NFIC: variants seen among roughly 807,000 people sequenced by gnomAD.
NFIC encodes nuclear factor I C.
A neutral mutation model predicts 54.4 loss-of-function variants in NFIC; 12 were observed. That is an observed-to-expected ratio of 0.22 (90% CI 0.14 to 0.36). NFIC has a LOEUF of 0.36. Among genes scored for constraint, NFIC ranks in the 10% least tolerant of loss-of-function variants. The pLI, the probability that NFIC is intolerant of heterozygous loss-of-function variation, is 1.00. For synonymous variants in NFIC, 322 were observed against 319.2 expected (o/e 1.01, Z -0.09); for missense variants, 575 against 718.2 (o/e 0.80, Z 2.28).
chr19:3,379,673 CT>C (rs370082450), intron 1 of NFIC, among the ~76,000 whole-genome samples: 234 of 102,504 alleles, frequency 2.3e-3, no homozygotes, highest in African/African-American at 9.6e-3. Flanking sequence ...TTATTTCTTT[CT>C]TTTTTTTTTT....
intron 2 of NFIC, among the ~76,000 whole-genome samples, chr19:3,405,823 G>A (rs996570726): frequency 4.6e-5 from 7 of 152,002 alleles, no homozygotes; most frequent in East Asian, 1.9e-4. Context: ...GGCTGGTCTC[G>A]AACTCCTGAC....
At chr19:3,449,256 G>A (rs1247655978) in intron 7 of NFIC, 117 bp downstream of exon 7, 10 of 1,426,576 alleles carry the variant, frequency 7.0e-6, no homozygotes, top group Non-Finnish European at 9.2e-6. Context: ...AGCCTTCTAG[G>A]TGGGCAAAAA....
At chr19:3,410,772 C>G (rs1042699480) in intron 2 of NFIC, 3 of 152,286 alleles carry the variant, frequency 2.0e-5, no homozygotes, top group African/African-American at 7.2e-5. Flanking sequence ...CTGAGCATAG[C>G]AACAGAACGG....
rs139372261 is a variant in NFIC at position 3,391,503 on chromosome 19, T to C, written c.562+9260T>C. Reference sequence around the variant, plus strand: ...CTGTCTCTAATAAAAATACAAAAATTAGCCAGTCGTAGGCCAGGCGCGGTG... The same window carrying C: ...CTGTCTCTAATAAAAATACAAAAATCAGCCAGTCGTAGGCCAGGCGCGGTG... On this transcript the variant is annotated intron_variant, in intron 2 of 10. Transcript: ENST00000443272. Among the ~76,000 whole-genome samples the C allele has an allele frequency of 4.3e-3, 658 of 151,960 alleles. 4 individuals are homozygous for C. The highest frequency in any genetic ancestry group is 0.015 in the African/African-American group (627 of 41,440).
intron 3 of NFIC, among the ~76,000 whole-genome samples, chr19:3,426,655 A>G (rs1419804929): frequency 3.3e-5 from 5 of 152,018 alleles, no homozygotes; most frequent in African/African-American, 7.2e-5. Context: ...AAGGCCCTGC[A>G]CAACCTGTCC....
At position 3,462,735 on chromosome 19, in the gene NFIC, G is replaced by A. The variant is rs181501320; in HGVS notation, c.1510-17G>A. 4 of 1,613,346 alleles carry A rather than the reference G, an allele frequency of 2.5e-6. No homozygotes were observed. The highest frequency in any genetic ancestry group is 2.2e-5 in the East Asian group (1 of 44,826). ...CTTTTTCTCTCTCCCTCTTTCTGTC[G>A]CCACTGGGCCACTCAGTCCTGGTAT... On this transcript the variant is annotated splice_polypyrimidine_tract_variant and intron_variant, in intron 10 of 10. Transcript: ENST00000443272.
Position 3,433,499 on chromosome 19 carries a change from C to T in NFIC, c.635-19C>T, listed in dbSNP as rs749591093. ...CAGGCCCAGCTCAGCCTACTGACCC[C>T]GCTGTCTTCCTGTTCCAGACACGAC... On this transcript the variant is annotated intron_variant, in intron 3 of 10. Coordinates refer to ENST00000443272, the MANE Select transcript of NFIC (RefSeq NM_001245002.2). The T allele has an allele frequency of 1.4e-5, 23 of 1,612,964 alleles. No homozygotes were observed. Among genetic ancestry groups the T allele is most frequent in the African/African-American group, 2.7e-5 (2 of 74,928 alleles).
In NFIC at chr19:3,452,291, G is replaced by A. The variant is rs2082476672; in HGVS notation, c.1085-191G>A. ...ACACAAGGATAATATCACAGCCCCA[G>A]TGGGGTTGCCGTGGGAGTCGGGGAA... On this transcript the variant is annotated intron_variant, in intron 7 of 10. Transcript: ENST00000443272. The surrounding 1 kb of genome is among the most constrained non-coding windows in gnomAD (Gnocchi z 5.3). 6.6e-6 allele frequency among the ~76,000 whole-genome samples: 1 copy of A among 152,090 alleles called. No individual in the cohort carries two copies. Among genetic ancestry groups the A allele is most frequent in the African/African-American group, 2.4e-5 (1 of 41,390 alleles).
upstream of NFIC, chr19:3,359,642 C>T (rs2080784440): frequency 1.5e-6 from 2 of 1,357,498 alleles, no homozygotes; most frequent in Non-Finnish European, 1.9e-6. Context: ...GGACCGAGCG[C>T]GCTCGCTCCG....
intron 2 of NFIC, among the ~76,000 whole-genome samples, chr19:3,389,039 C>A (rs972987707): frequency 2.8e-4 from 42 of 152,230 alleles, no homozygotes; most frequent in Admixed American, 2.7e-3. Context: ...ACCCCTTAAA[C>A]CTCTTTTCAA....
rs904847980 is a variant in NFIC, at chr19:3,453,532, G to C, written c.1270-231G>C. 1.3e-5 allele frequency among the ~76,000 whole-genome samples: 2 copies of C among 152,154 alleles called. No homozygotes were observed. Among genetic ancestry groups the C allele is most frequent in the African/African-American group, 2.4e-5 (1 of 41,434 alleles). Reference sequence around the variant, plus strand: ...GGTTTACAGAGGAGATGCAGTGAGCGTGGCCCCAGTAGTGCCGGGCTTTGA... The same window carrying C: ...GGTTTACAGAGGAGATGCAGTGAGCCTGGCCCCAGTAGTGCCGGGCTTTGA... On this transcript the variant is annotated intron_variant, in intron 8 of 10. Coordinates refer to ENST00000443272, the MANE Select transcript of NFIC (RefSeq NM_001245002.2). This position sits in a 1 kb window ranked among gnomAD's most constrained non-coding sequence, Gnocchi z 6.7.
intron 3 of NFIC, among the ~76,000 whole-genome samples, chr19:3,427,907 C>T (rs889995697): frequency 9.9e-5 from 15 of 151,232 alleles, no homozygotes; most frequent in East Asian, 1.9e-4. Flanking sequence ...CGGGGGCTTA[C>T]GCCTGTAATC....
intron 2 of NFIC, among the ~76,000 whole-genome samples, chr19:3,401,324 T>G (rs34767627): frequency 0.22 from 33,001 of 151,512 alleles, 3,908 homozygotes; most frequent in East Asian, 0.41. Context: ...GGACAGACTG[T>G]GGGGGGTGAG....
chr19:3,405,646 C>CTGGA (rs2081636709), intron 2 of NFIC, among the ~76,000 whole-genome samples: 1 of 152,086 alleles, frequency 6.6e-6, no homozygotes, highest in South Asian at 2.1e-4. Flanking sequence ...GTTGCCTAGG[C>CTGGA]TGGAGTGCAA....
At position 3,453,047 on chromosome 19, in the gene NFIC, C is replaced by A. The variant is rs924981372; in HGVS notation, c.1269+381C>A. Among the ~76,000 whole-genome samples the A allele has an allele frequency of 3.3e-5, 5 of 152,118 alleles. No homozygotes were observed. Among genetic ancestry groups the A allele is most frequent in the African/African-American group, 1.2e-4 (5 of 41,398 alleles). On this transcript the variant is annotated intron_variant, in intron 8 of 10. Coordinates refer to ENST00000443272, the MANE Select transcript of NFIC (RefSeq NM_001245002.2). This position sits in a 1 kb window ranked among gnomAD's most constrained non-coding sequence, Gnocchi z 6.7. ...GCCCAGAGTTCAAGACCAACCTGGG[C>A]AGCATAGCGTGACCCAGTTTCTACA... is the stretch of plus-strand genomic sequence containing the variant.
chr19:3,426,966 G>T lies in NFIC; in HGVS notation c.634+1789G>T, dbSNP rs377134150. ...TTTTGAGACAGAGTCAGGCTCTGTC[G>T]CCCAGGCTAGAGTGCAATGGCGCAA... is the stretch of plus-strand genomic sequence containing the variant. On this transcript the variant is annotated intron_variant, in intron 3 of 10. Transcript: ENST00000443272. Among the ~76,000 whole-genome samples, 12 of 136,846 alleles carry T rather than the reference G, an allele frequency of 8.8e-5. No homozygotes were observed. In the Admixed American group the frequency reaches 8.9e-4, roughly 10 times the overall value. 89.8% of individuals were successfully genotyped at this position (136,846 alleles called of 152,430 possible).
chr19:3,435,662 T>G (rs1251454400), intron 6 of NFIC, among the ~76,000 whole-genome samples: 1 of 152,104 alleles, frequency 6.6e-6, no homozygotes, highest in Non-Finnish European at 1.5e-5. Context: ...TTACTTTTTT[T>G]TTTAACCAGG....
At position 3,469,174 on chromosome 19, in the gene NFIC, A is replaced by G. The variant is rs933874603; in HGVS notation, c.*6405A>G. ...AAGACAAACAAAAAAAAAAGAAAAA[A>G]GAAAAAAATGTATAAAAATTAAACA... On this transcript the variant is annotated 3_prime_UTR_variant, in exon 11 of 11. Coordinates refer to ENST00000443272, the MANE Select transcript of NFIC (RefSeq NM_001245002.2). The G allele has an allele frequency of 1.3e-5, 2 of 152,178 alleles. No individual in the cohort carries two copies. Among genetic ancestry groups the G allele is most frequent in the African/African-American group, 4.8e-5 (2 of 41,458 alleles). The allele number at this position is 152,178 out of a possible 1,614,324, so 9.4% of individuals were successfully genotyped here. A position where few individuals can be genotyped will look rare whatever the true frequency, so the allele number is the denominator to read the frequency against.
At chr19:3,425,938 T>A (rs1322806094) in intron 3 of NFIC, among the ~76,000 whole-genome samples, 12 of 127,260 alleles carry the variant, frequency 9.4e-5, no homozygotes, top group Non-Finnish European at 2.0e-4. Context: ...TTTTTTTTTT[T>A]TTTTTTTTTT....
Sources: allele counts gnomAD v4.1 joint callset (sites outside exome capture counted in the v4.1 genomes callset), GRCh38; gene constraint gnomAD v4.1.1; non-coding constraint Gnocchi (gnomAD v3.1); transcripts MANE v1.5; gene names NCBI Gene and HGNC (gene_info 2026-07-23, HGNC 2026-07-21).